Variants in EXOC6B observed in about 807,000 individuals in gnomAD.
EXOC6B encodes the protein exocyst complex component 6B.
Under a neutral mutation model 113.5 loss-of-function variants are expected in EXOC6B, and 54 were observed. The ratio of observed to expected loss-of-function variants is 0.48; its 90% confidence interval spans 0.38 to 0.60. EXOC6B has a LOEUF of 0.60. EXOC6B is among the 20% of genes least tolerant of loss of function. EXOC6B has a pLI of 0.00. For synonymous variants in EXOC6B, 357 were observed against 339.0 expected (o/e 1.05, Z -0.58); for missense variants, 797 against 977.5 (o/e 0.82, Z 2.46).
chr2:72,791,279 C>T (rs770439157), intron 1 of EXOC6B, among the ~76,000 whole-genome samples: 1 of 152,138 alleles, frequency 6.6e-6, no homozygotes, highest in African/African-American at 2.4e-5. Flanking sequence ...GGCTCTGGCT[C>T]GTGCCTGTAA....
intron 11 of EXOC6B, among the ~76,000 whole-genome samples, chr2:72,501,431 T>C (rs1285454491): frequency 6.6e-6 from 1 of 152,190 alleles, no homozygotes; most frequent in Non-Finnish European, 1.5e-5. Flanking sequence ...ATGCTGGCAC[T>C]ATACTTCATG....
In EXOC6B at chr2:72,751,805, A is replaced by G. The variant is rs527567111; in HGVS notation, c.114-10336T>C. ...CTCCAGTAAGAAATAAGAGGCAGGT[A>G]AAATTTTTTTAAAATAGTTGTGAAG... is the stretch of plus-strand genomic sequence containing the variant. On this transcript the variant is annotated intron_variant, in intron 1 of 21. Transcript: ENST00000272427. Among the ~76,000 whole-genome samples, 145 of 152,144 alleles carry G rather than the reference A, an allele frequency of 9.5e-4. 1 individual carries two copies. The highest frequency in any genetic ancestry group is 1.8e-3 in the Non-Finnish European group (125 of 68,020).
intron 6 of EXOC6B, among the ~76,000 whole-genome samples, chr2:72,647,994 A>G (rs1370664912): frequency 7.2e-5 from 11 of 152,208 alleles, no homozygotes; most frequent in Admixed American, 7.2e-4. Context: ...TGAACAGGAA[A>G]CCTACAGAAT....
chr2:72,552,844 G>T (rs925432929), intron 8 of EXOC6B, among the ~76,000 whole-genome samples: 2 of 151,664 alleles, frequency 1.3e-5, no homozygotes, highest in Non-Finnish European at 2.9e-5. Flanking sequence ...TTTCTTAAAA[G>T]ATTATCAAGA....
intron 1 of EXOC6B, among the ~76,000 whole-genome samples, chr2:72,770,853 GA>G: frequency 6.6e-6 from 1 of 151,864 alleles, no homozygotes; most frequent in East Asian, 1.9e-4. Context: ...CAATACAAAG[GA>G]ACCACAAGAA....
At chr2:72,581,669 C>T (rs865981645) in intron 6 of EXOC6B, among the ~76,000 whole-genome samples, 52 of 152,290 alleles carry the variant, frequency 3.4e-4, no homozygotes, top group Middle Eastern at 3.4e-3. Context: ...GTTTGGGTTG[C>T]CTCCACCTCC....
At chr2:72,459,090 A>G (rs1238230993) in intron 18 of EXOC6B, among the ~76,000 whole-genome samples, 1 of 152,126 alleles carries the variant, frequency 6.6e-6, no homozygotes, top group Non-Finnish European at 1.5e-5. Context: ...TATAAACAGA[A>G]CCAAAGACAA....
chr2:72,777,743 AC>A, intron 1 of EXOC6B, among the ~76,000 whole-genome samples: 1 of 152,210 alleles, frequency 6.6e-6, no homozygotes. Flanking sequence ...ACTGCAAAAA[AC>A]AATACATATC....
At chr2:72,579,526 C>T (rs1705071045) in intron 6 of EXOC6B, among the ~76,000 whole-genome samples, 1 of 152,172 alleles carries the variant, frequency 6.6e-6, no homozygotes, top group South Asian at 2.1e-4. Context: ...GACTTGAGTG[C>T]TTTTCTACCC....
intron 6 of EXOC6B, among the ~76,000 whole-genome samples, chr2:72,658,218 A>T (rs1437395650): frequency 6.7e-6 from 1 of 150,070 alleles, no homozygotes; most frequent in Non-Finnish European, 1.5e-5. Flanking sequence ...CAGAAGAAAC[A>T]GGAAAGGAAA....
intron 5 of EXOC6B, among the ~76,000 whole-genome samples, chr2:72,720,955 G>C (rs1679962881): frequency 6.6e-6 from 1 of 151,936 alleles, no homozygotes; most frequent in South Asian, 2.1e-4. Flanking sequence ...AAGCTGAATA[G>C]GTAGAAACGA....
At chr2:72,749,060 T>C (rs923542232) in intron 1 of EXOC6B, among the ~76,000 whole-genome samples, 4 of 152,104 alleles carry the variant, frequency 2.6e-5, no homozygotes, top group African/African-American at 4.8e-5. Flanking sequence ...TTTGTATCTA[T>C]TTGTGTTAGG....
At chr2:72,627,194 A>T (rs1672105182) in intron 6 of EXOC6B, among the ~76,000 whole-genome samples, 1 of 152,178 alleles carries the variant, frequency 6.6e-6, no homozygotes, top group Non-Finnish European at 1.5e-5. Flanking sequence ...GTTTTTCTTT[A>T]GCTGTTCTGA....
intron 19 of EXOC6B, among the ~76,000 whole-genome samples, chr2:72,368,878 G>C (rs1690813419): frequency 6.6e-6 from 1 of 152,086 alleles, no homozygotes; most frequent in Non-Finnish European, 1.5e-5. Context: ...AATAATAAGA[G>C]CTATCTATGA....
chr2:72,814,218 T>C (rs2105141393), intron 1 of EXOC6B, among the ~76,000 whole-genome samples: 1 of 152,320 alleles, frequency 6.6e-6, no homozygotes, highest in African/African-American at 2.4e-5. Flanking sequence ...ATCCAAATCA[T>C]CACTTTTGGC....
intron 6 of EXOC6B, among the ~76,000 whole-genome samples, chr2:72,605,479 C>T (rs1312096419): frequency 1.3e-5 from 2 of 152,066 alleles, no homozygotes; most frequent in Non-Finnish European, 2.9e-5. Context: ...AGAGGAAAAG[C>T]ATTTTATAAG....
In EXOC6B at chr2:72,539,355, T is replaced by C. The variant is rs77980675; in HGVS notation, c.915+20098A>G. Among the ~76,000 whole-genome samples, 1,353 of 152,364 alleles carry C rather than the reference T, an allele frequency of 8.9e-3. 13 individuals carry two copies. The highest frequency in any genetic ancestry group is 0.025 in the African/African-American group (1,026 of 41,586). On this transcript the variant is annotated intron_variant, in intron 8 of 21. Transcript: ENST00000272427. ...CTGCTTCACATTTTTCAGAAATTAC[T>C]ACATGTTCAAACAATGGGATATTTG... is the stretch of plus-strand genomic sequence containing the variant.
chr2:72,188,456 C>T (rs1190725316), intron 20 of EXOC6B, among the ~76,000 whole-genome samples: 1 of 152,122 alleles, frequency 6.6e-6, no homozygotes, highest in Non-Finnish European at 1.5e-5. Flanking sequence ...TTTAGGGTGG[C>T]CTGAAGCTAG....
chr2:72,682,777 T>A (rs530486931), intron 6 of EXOC6B, among the ~76,000 whole-genome samples: 1 of 152,124 alleles, frequency 6.6e-6, no homozygotes, highest in Non-Finnish European at 1.5e-5. Context: ...ACATACAAAG[T>A]AGAAAGGTTA....
Sources: allele counts gnomAD v4.1 joint callset (sites outside exome capture counted in the v4.1 genomes callset), GRCh38; gene constraint gnomAD v4.1.1; transcripts MANE v1.5; gene names NCBI Gene and HGNC (gene_info 2026-07-23, HGNC 2026-07-21).